The following M1AP variants were observed in gnomAD, a reference collection of about 807,000 sequenced individuals.
M1AP encodes meiosis 1 associated protein.
M1AP carries 39 observed loss-of-function variants against 51.2 expected under a neutral mutation model. That is an observed-to-expected ratio of 0.76 (90% CI 0.59 to 1.00). M1AP has a LOEUF of 1.00. Among genes scored for constraint, M1AP ranks in the 50% least tolerant of loss-of-function variants. M1AP has a pLI of 0.00. For synonymous variants in M1AP, 251 were observed against 249.2 expected, an observed-to-expected ratio of 1.01 and a Z score of -0.07; for missense variants, 545 against 641.2, an observed-to-expected ratio of 0.85 and a Z score of 1.62.
At chr2:74,612,759 C>T (rs772710172) in intron 3 of M1AP, among the ~76,000 whole-genome samples, 8 of 152,138 alleles carry the variant, frequency 5.3e-5, no homozygotes, top group Non-Finnish European at 1.2e-4. Flanking sequence ...TCTCCATTGA[C>T]CCACTGGTTG....
rs186596109 is a variant in M1AP at position 74,565,243 on chromosome 2, T to C, written c.1075-2820A>G. ...ATCTCAAAAAAAAAAAAAGAATTTA[T>C]TGAGCGCCTATTATGTTCCAAGCAC... On this transcript the variant is annotated intron_variant, in intron 7 of 10. Transcript: ENST00000421985. Among the ~76,000 whole-genome samples the C allele has an allele frequency of 1.9e-3, 293 of 151,916 alleles. 2 individuals are homozygous for C. Among genetic ancestry groups the C allele is most frequent in the African/African-American group, 6.7e-3 (279 of 41,404 alleles).
At chr2:74,570,331 T>C (rs192295531) in intron 7 of M1AP, among the ~76,000 whole-genome samples, 1 of 152,166 alleles carries the variant, frequency 6.6e-6, no homozygotes, top group East Asian at 1.9e-4. Context: ...CCTTGACTCC[T>C]CCAAAAAGAG....
chr2:74,599,104 C>A (rs1335486464), intron 4 of M1AP, among the ~76,000 whole-genome samples: 1 of 151,930 alleles, frequency 6.6e-6, no homozygotes, highest in East Asian at 1.9e-4. Context: ...ATGGTGAAAC[C>A]CTGTCTCTAC....
intron 1 of M1AP, among the ~76,000 whole-genome samples, chr2:74,640,761 C>T (rs1040637405): frequency 2.2e-4 from 34 of 152,178 alleles, no homozygotes; most frequent in African/African-American, 8.0e-4. Flanking sequence ...TGGCCCAGGC[C>T]ATCCTATTTT....
At chr2:74,628,697 G>T (rs1372201812) in intron 2 of M1AP, 1 of 676,888 alleles carries the variant, frequency 1.5e-6, no homozygotes, top group Admixed American at 2.0e-5. Context: ...GTCTACCTGT[G>T]ATATTCTTTG....
chr2:74,629,960 A>G (rs1396932698), intron 2 of M1AP, among the ~76,000 whole-genome samples: 1 of 148,784 alleles, frequency 6.7e-6, no homozygotes, highest in Admixed American at 6.7e-5. Context: ...TTTTTTTTTA[A>G]GACAAGGCCT....
At chr2:74,647,286 C>T (rs1486071710) in intron 1 of M1AP, 7 of 985,256 alleles carry the variant, frequency 7.1e-6, no homozygotes, top group Non-Finnish European at 8.4e-6. Flanking sequence ...TCTCACAGAT[C>T]GGCTTCTCGC....
chr2:74,595,509 G>C (rs72907286), intron 4 of M1AP, among the ~76,000 whole-genome samples: 6,847 of 151,770 alleles, frequency 0.045, 520 homozygotes, highest in African/African-American at 0.16. Flanking sequence ...ACACTACCAT[G>C]CCAGGCTAAT....
At chr2:74,566,415 G>T (rs2104526159) in intron 7 of M1AP, among the ~76,000 whole-genome samples, 1 of 152,266 alleles carries the variant, frequency 6.6e-6, no homozygotes, top group South Asian at 2.1e-4. Flanking sequence ...AAAAAAATGA[G>T]TAGATATTTG....
intron 4 of M1AP, among the ~76,000 whole-genome samples, chr2:74,587,495 G>A (rs527914434): frequency 1.6e-4 from 25 of 152,288 alleles, no homozygotes; most frequent in Middle Eastern, 6.8e-3. Flanking sequence ...ACCACGCCTG[G>A]CCATATGTTT....
chr2:74,646,664 GT>G (rs1020591613), intron 1 of M1AP, among the ~76,000 whole-genome samples: 10 of 152,108 alleles, frequency 6.6e-5, no homozygotes, highest in South Asian at 4.2e-4. Context: ...TACTATGAGA[GT>G]TTTTTTTCAA....
intron 2 of M1AP, among the ~76,000 whole-genome samples, chr2:74,633,157 G>C (rs1258485656): frequency 6.6e-6 from 1 of 152,140 alleles, no homozygotes; most frequent in East Asian, 1.9e-4. Context: ...TGGGAGGAAA[G>C]TGAGGTCAGG....
chr2:74,563,766 ACTTTG>A (rs1678192158), intron 7 of M1AP, among the ~76,000 whole-genome samples: 1 of 152,282 alleles, frequency 6.6e-6, no homozygotes, highest in East Asian at 1.9e-4. Context: ...AGAGGGTGGC[ACTTTG>A]CCATGTGCCA....
chr2:74,648,040 A>G, intron 1 of M1AP: 1 of 985,406 alleles, frequency 1.0e-6, no homozygotes, highest in Non-Finnish European at 1.2e-6. Flanking sequence ...CCGGGCCCAG[A>G]CTCCGCGCAG....
At position 74,574,980 on chromosome 2, in the gene M1AP, A is replaced by G. The variant is rs564069163; in HGVS notation, c.1074+458T>C. Among the ~76,000 whole-genome samples, 12 of 152,288 alleles carry G rather than the reference A, an allele frequency of 7.9e-5. No individual in the cohort carries two copies. In the South Asian group the frequency reaches 1.0e-3, roughly 13 times the overall value. Reference sequence around the variant, plus strand: ...ACTTCTCATAATTAAGAATATATACATTTCTGTTTCTTCCATTGGAGAGTG... The same window carrying G: ...ACTTCTCATAATTAAGAATATATACGTTTCTGTTTCTTCCATTGGAGAGTG... On this transcript the variant is annotated intron_variant, in intron 7 of 10. Transcript: ENST00000421985.
At chr2:74,584,238 A>G (rs1679573343) in intron 4 of M1AP, among the ~76,000 whole-genome samples, 4 of 152,166 alleles carry the variant, frequency 2.6e-5, no homozygotes, top group African/African-American at 9.7e-5. Context: ...TTTGAGTAAC[A>G]AGTATGAAAA....
intron 2 of M1AP, chr2:74,618,816 GC>G (rs2104753956): frequency 5.7e-6 from 2 of 348,062 alleles, no homozygotes; most frequent in East Asian, 1.6e-4. Context: ...CGTGTGCTGA[GC>G]CTCCCAAATC....
At position 74,614,951 on chromosome 2, in the gene M1AP, C is replaced by T. The variant is rs201548394; in HGVS notation, c.426+13G>A. 14 of 1,612,804 alleles carry T rather than the reference C, an allele frequency of 8.7e-6. No individual in the cohort carries two copies. Among genetic ancestry groups the T allele is most frequent in the East Asian group, 2.2e-5 (1 of 44,870 alleles). ...GAACACAGCTTGGAGTCCTAAAGGC[C>T]AGCATCACTTACCTCCAGGGAGGTA... On this transcript the variant is annotated intron_variant, in intron 3 of 10. Transcript: ENST00000421985.
chr2:74,631,632 A>G (rs1392649671), intron 2 of M1AP, among the ~76,000 whole-genome samples: 1 of 152,170 alleles, frequency 6.6e-6, no homozygotes, highest in African/African-American at 2.4e-5. Flanking sequence ...TATGATTTAA[A>G]TAAGTTTTTT....
Sources: allele counts gnomAD v4.1 joint callset (sites outside exome capture counted in the v4.1 genomes callset), GRCh38; gene constraint gnomAD v4.1.1; transcripts MANE v1.5; gene names NCBI Gene and HGNC (gene_info 2026-07-23, HGNC 2026-07-21).